Variants in GRIA1 observed in about 807,000 individuals in gnomAD.
The protein encoded by GRIA1 is glutamate receptor 1.
A neutral mutation model predicts 99.2 loss-of-function variants in GRIA1; 31 were observed. That is an observed-to-expected ratio of 0.31 (90% confidence interval 0.23 to 0.42). GRIA1 has a LOEUF of 0.42. Among genes scored for constraint, GRIA1 ranks in the 10% least tolerant of loss-of-function variants. The pLI, the probability that GRIA1 is intolerant of heterozygous loss-of-function variation, is 1.00. For synonymous variants in GRIA1, 438 were observed against 432.4 expected, an observed-to-expected ratio of 1.01 and a Z score of -0.16; for missense variants, 782 against 1,157.5, an observed-to-expected ratio of 0.68 and a Z score of 4.71.
chr5:153,511,865 A>C (rs1006445482), intron 2 of GRIA1, among the ~76,000 whole-genome samples: 1 of 152,164 alleles, frequency 6.6e-6, no homozygotes, highest in Non-Finnish European at 1.5e-5. Flanking sequence ...GGCACTTGCC[A>C]AATTGGCTCA....
chr5:153,698,736 G>A, intron 9 of GRIA1, 131 bp from the exon 10 acceptor site: 1 of 658,614 alleles, frequency 1.5e-6, no homozygotes, highest in South Asian at 1.7e-5. Flanking sequence ...AAGACATTTA[G>A]GAAGTGAATT....
intron 2 of GRIA1, among the ~76,000 whole-genome samples, chr5:153,516,419 C>A (rs1222788332): frequency 1.3e-5 from 2 of 151,830 alleles, no homozygotes; most frequent in Non-Finnish European, 2.9e-5. Context: ...ATCCCCACAG[C>A]ACCCTTTGGG....
At chr5:153,516,765 A>G (rs372012702) in intron 2 of GRIA1, among the ~76,000 whole-genome samples, 5 of 152,172 alleles carry the variant, frequency 3.3e-5, no homozygotes, top group East Asian at 1.9e-4. Flanking sequence ...ATGGGGGCGT[A>G]TTGTGATGAG....
chr5:153,709,820 A>T (rs567255546), intron 11 of GRIA1, among the ~76,000 whole-genome samples: 1 of 152,218 alleles, frequency 6.6e-6, no homozygotes, highest in Non-Finnish European at 1.5e-5. Context: ...GACAGTGGCC[A>T]TGATTATTTC....
chr5:153,797,444 C>T (rs1000787561), intron 14 of GRIA1, among the ~76,000 whole-genome samples: 1 of 152,204 alleles, frequency 6.6e-6, no homozygotes, highest in African/African-American at 2.4e-5. Flanking sequence ...TTTTAAAACT[C>T]TCTTCTGGAC....
chr5:153,782,107 A>G (rs761501458), intron 13 of GRIA1, among the ~76,000 whole-genome samples: 6 of 152,228 alleles, frequency 3.9e-5, no homozygotes, highest in Non-Finnish European at 7.3e-5. Context: ...CTTGCTATCT[A>G]TAGCAAGCAA....
At position 153,811,506 on chromosome 5, in the gene GRIA1, G is replaced by A. The variant is rs1323312661; in HGVS notation, c.*281G>A. 5.3e-6 allele frequency: 2 copies of A among 377,120 alleles called. No homozygotes were observed. Among genetic ancestry groups the A allele is most frequent in the South Asian group, 2.7e-5 (1 of 37,120 alleles). 23.4% of individuals were successfully genotyped at this position (377,120 alleles called of 1,614,324 possible). ...AGAGTAACCCTGTCTAATGAAACCT[G>A]TGTCTCTGAGAGTAGAGTCACTGGA... On this transcript the variant is annotated 3_prime_UTR_variant, in exon 16 of 16. Coordinates refer to ENST00000285900, the MANE Select transcript of GRIA1 (RefSeq NM_000827.4).
At chr5:153,781,218 A>G (rs983470264) in intron 13 of GRIA1, among the ~76,000 whole-genome samples, 1 of 152,158 alleles carries the variant, frequency 6.6e-6, no homozygotes, top group African/African-American at 2.4e-5. Context: ...AGAGTCCCCA[A>G]ACAAAGAAAA....
At chr5:153,670,806 A>G (rs567180818) in intron 5 of GRIA1, among the ~76,000 whole-genome samples, 3 of 152,262 alleles carry the variant, frequency 2.0e-5, no homozygotes, top group African/African-American at 4.8e-5. Flanking sequence ...TAACACCTTT[A>G]TTTCCCCCTT....
At chr5:153,581,397 TCA>T in intron 2 of GRIA1, among the ~76,000 whole-genome samples, 1 of 152,280 alleles carries the variant, frequency 6.6e-6, no homozygotes, top group East Asian at 1.9e-4. Flanking sequence ...TGACCTCCCC[TCA>T]CACACAGCTC....
chr5:153,494,934 G>A (rs577388231), intron 2 of GRIA1, among the ~76,000 whole-genome samples: 11 of 152,330 alleles, frequency 7.2e-5, no homozygotes, highest in African/African-American at 1.7e-4. Context: ...GAATTGGCAC[G>A]ATAGTCTTGG....
At chr5:153,745,680 GA>G (rs374771641) in intron 11 of GRIA1, among the ~76,000 whole-genome samples, 3,346 of 148,468 alleles carry the variant, frequency 0.023, 75 homozygotes, top group Middle Eastern at 0.053. Context: ...AAAAGGTAAG[GA>G]AAAAAAAATA....
At chr5:153,612,011 C>T (rs192072519) in intron 2 of GRIA1, among the ~76,000 whole-genome samples, 5 of 152,304 alleles carry the variant, frequency 3.3e-5, no homozygotes, top group Non-Finnish European at 1.5e-5. Context: ...CTAACAGAGC[C>T]TCAGTTTCTC....
intron 10 of GRIA1, among the ~76,000 whole-genome samples, chr5:153,699,809 T>A (rs1040733948): frequency 1.3e-5 from 2 of 152,154 alleles, no homozygotes; most frequent in Non-Finnish European, 2.9e-5. Flanking sequence ...CTATAAAATC[T>A]TCAATAAATT....
At chr5:153,675,666 T>C (rs2149486507) in intron 6 of GRIA1, among the ~76,000 whole-genome samples, 1 of 152,316 alleles carries the variant, frequency 6.6e-6, no homozygotes, top group African/African-American at 2.4e-5. Flanking sequence ...AGATACTTCT[T>C]ATCCCACTAT....
chr5:153,534,720 C>T (rs1331626058), intron 2 of GRIA1, among the ~76,000 whole-genome samples: 1 of 152,154 alleles, frequency 6.6e-6, no homozygotes, highest in Non-Finnish European at 1.5e-5. Context: ...AGAAGTCAGG[C>T]ATTTTCTTGG....
intron 12 of GRIA1, among the ~76,000 whole-genome samples, chr5:153,768,534 T>C (rs1327503772): frequency 6.6e-6 from 1 of 152,190 alleles, no homozygotes; most frequent in African/African-American, 2.4e-5. Flanking sequence ...AATTATAGGC[T>C]ATTAAAACTG....
intron 11 of GRIA1, among the ~76,000 whole-genome samples, chr5:153,730,828 T>C (rs2149557886): frequency 6.6e-6 from 1 of 152,242 alleles, no homozygotes; most frequent in East Asian, 1.9e-4. Context: ...CCACCTGTAT[T>C]TCAATGGCAT....
In GRIA1 at chr5:153,500,901, G is replaced by A. The variant is rs11959282; in HGVS notation, c.220+6836G>A. 1.7e-3 allele frequency among the ~76,000 whole-genome samples: 261 copies of A among 152,138 alleles called. 1 individual carries two copies. The highest frequency in any genetic ancestry group is 6.1e-3 in the African/African-American group (252 of 41,492). On this transcript the variant is annotated intron_variant, in intron 2 of 15. Transcript: ENST00000285900. ...TGGACTACCTTCTTGAATCGTTTAGGTATAACCTTGGAGAAACATCCCCTC... is the reference window on the plus strand; with the variant it reads ...TGGACTACCTTCTTGAATCGTTTAGATATAACCTTGGAGAAACATCCCCTC...
Sources: gnomAD v4.1 joint callset for allele counts (sites outside exome capture counted in the v4.1 genomes callset) on GRCh38, gnomAD v4.1.1 for gene constraint, MANE v1.5 for transcripts, NCBI Gene and HGNC (gene_info 2026-07-23, HGNC 2026-07-21) for gene names.